ASIP: variants seen among roughly 807,000 people sequenced by gnomAD.
ASIP encodes the protein agouti signaling protein, also known as agouti-signaling protein.
A neutral mutation model predicts 10.3 loss-of-function variants in ASIP; 11 were observed. That is an observed-to-expected ratio of 1.07 (90% CI 0.68 to 1.78). The LOEUF is 1.78. ASIP is among the 40% of genes most tolerant of loss of function. ASIP has a pLI of 0.00. For synonymous variants in ASIP, 70 were observed against 70.8 expected, an observed-to-expected ratio of 0.99 and a Z score of 0.06; for missense variants, 180 against 169.2, an observed-to-expected ratio of 1.06 and a Z score of -0.35.
At chr20:34,198,970 T>C (rs1202239757) in intron 1 of ASIP, among the ~76,000 whole-genome samples, 1 of 152,174 alleles carries the variant, frequency 6.6e-6, no homozygotes, top group Non-Finnish European at 1.5e-5. Context: ...GTCACTACCC[T>C]GACTTCTAAC....
chr20:34,239,727 T>C (rs1383719948), upstream of ASIP, among the ~76,000 whole-genome samples: 1 of 152,206 alleles, frequency 6.6e-6, no homozygotes, highest in East Asian at 1.9e-4. Context: ...CCTATTCACT[T>C]ATCTTTCCAG....
chr20:34,218,480 T>C (rs931111066), intron 1 of ASIP, among the ~76,000 whole-genome samples: 6 of 152,168 alleles, frequency 3.9e-5, no homozygotes, highest in African/African-American at 1.4e-4. Flanking sequence ...CACCCATTTA[T>C]CATTTTTTAT....
At chr20:34,227,003 G>C (rs990726820) in intron 1 of ASIP, among the ~76,000 whole-genome samples, 2 of 151,978 alleles carry the variant, frequency 1.3e-5, no homozygotes, top group Non-Finnish European at 1.5e-5. Flanking sequence ...AATTCAGTAA[G>C]GCAAGAACAA....
chr20:34,215,588 G>A (rs576741377), intron 1 of ASIP: 56 of 1,488,352 alleles, frequency 3.8e-5, no homozygotes, highest in Non-Finnish European at 4.5e-5. Flanking sequence ...GGCTTTATTT[G>A]GTATAAAGGT....
chr20:34,194,400 AC>A (rs972323552), upstream of ASIP, among the ~76,000 whole-genome samples: 21 of 152,232 alleles, frequency 1.4e-4, no homozygotes, highest in South Asian at 2.1e-4. Flanking sequence ...AAGCAAGCAA[AC>A]AAAAAACACC....
intron 1 of ASIP, among the ~76,000 whole-genome samples, chr20:34,258,759 T>G (rs1214866050): frequency 1.1e-5 from 1 of 92,898 alleles, no homozygotes; most frequent in Non-Finnish European, 2.0e-5. Context: ...ATATAATATA[T>G]GATATATATA....
chr20:34,268,237 C>G (rs1156891404), intron 3 of ASIP, among the ~76,000 whole-genome samples: 4 of 152,108 alleles, frequency 2.6e-5, no homozygotes, highest in African/African-American at 9.7e-5. Flanking sequence ...TATTTCCTTC[C>G]CAGGAAAAGA....
In ASIP at chr20:34,257,174, C is replaced by G. The variant is rs140119084; in HGVS notation, c.-10-3191C>G. Among the ~76,000 whole-genome samples the G allele has an allele frequency of 6.1e-3, 928 of 152,006 alleles. 9 individuals carry two copies. Among genetic ancestry groups the G allele is most frequent in the African/African-American group, 0.021 (886 of 41,414 alleles). On this transcript the variant is annotated intron_variant, in intron 1 of 3. Transcript: ENST00000374954. ...TCTCAGCTCACTGCAACTTCCTCCCCCTGGGTTCAGGCGATTCTCCTGCCT... is the reference window on the plus strand; with the variant it reads ...TCTCAGCTCACTGCAACTTCCTCCCGCTGGGTTCAGGCGATTCTCCTGCCT...
chr20:34,249,135 A>T (rs2035431231), intron 1 of ASIP, among the ~76,000 whole-genome samples: 1 of 152,228 alleles, frequency 6.6e-6, no homozygotes, highest in South Asian at 2.1e-4. Context: ...TCTCGAAAAA[A>T]AAAAATCTAA....
At chr20:34,189,500 C>G in the ASIP span, among the ~76,000 whole-genome samples, 1 of 151,950 alleles carries the variant, frequency 6.6e-6, no homozygotes, top group Non-Finnish European at 1.5e-5. Context: ...CCTCGGCCAC[C>G]CAAAGTGCTG....
At chr20:34,263,337 G>C (rs964428160) in intron 3 of ASIP, among the ~76,000 whole-genome samples, 2 of 152,212 alleles carry the variant, frequency 1.3e-5, no homozygotes, top group African/African-American at 4.8e-5. Flanking sequence ...GGCCAAGGTG[G>C]GTGAATCACC....
intron 3 of ASIP, 69 bp from the exon 4 acceptor site, chr20:34,268,922 C>T: frequency 1.9e-6 from 3 of 1,540,002 alleles, no homozygotes; most frequent in Non-Finnish European, 2.6e-6. Context: ...CCGAGGAGCT[C>T]CCAGGCAGAG....
the ASIP span, among the ~76,000 whole-genome samples, chr20:34,189,487 C>T: frequency 3.3e-5 from 5 of 152,104 alleles, no homozygotes; most frequent in Admixed American, 3.3e-4. Context: ...TGTGATCCGC[C>T]CACCTCGGCC....
upstream of ASIP, among the ~76,000 whole-genome samples, chr20:34,239,860 T>C (rs957740562): frequency 2.0e-5 from 3 of 152,252 alleles, no homozygotes; most frequent in Admixed American, 6.5e-5. Context: ...CAATGTTTAT[T>C]GCAGGGCCCC....
chr20:34,195,961 A>G (rs186074323), intron 1 of ASIP, among the ~76,000 whole-genome samples: 3 of 152,008 alleles, frequency 2.0e-5, no homozygotes, highest in African/African-American at 7.3e-5. Flanking sequence ...CTTCTTTGAG[A>G]CAGCCTGCAG....
intron 1 of ASIP, chr20:34,213,680 G>C: frequency 2.6e-6 from 4 of 1,543,984 alleles, no homozygotes; most frequent in Non-Finnish European, 2.7e-6. Context: ...TTGAGTATAT[G>C]TTCTGAAGCA....
intron 1 of ASIP, among the ~76,000 whole-genome samples, chr20:34,235,555 G>A (rs561567981): frequency 6.6e-6 from 1 of 152,178 alleles, no homozygotes; most frequent in Admixed American, 6.5e-5. Flanking sequence ...TGAAGACCAG[G>A]CAACAGAAGT....
intron 1 of ASIP, among the ~76,000 whole-genome samples, chr20:34,197,357 T>C (rs945307720): frequency 6.6e-6 from 1 of 152,118 alleles, no homozygotes; most frequent in African/African-American, 2.4e-5. Context: ...CAAGACTCCG[T>C]CTCAAAAATA....
At chr20:34,224,689 G>T (rs1394839209) in intron 1 of ASIP, among the ~76,000 whole-genome samples, 1 of 151,668 alleles carries the variant, frequency 6.6e-6, no homozygotes, top group African/African-American at 2.4e-5. Flanking sequence ...CTTCTGAGGC[G>T]ACTCTAATGA....
Sources: allele counts gnomAD v4.1 joint callset (sites outside exome capture counted in the v4.1 genomes callset), GRCh38; gene constraint gnomAD v4.1.1; transcripts MANE v1.5; gene names NCBI Gene and HGNC (gene_info 2026-07-23, HGNC 2026-07-21).